The following FER variants were observed in gnomAD, a reference collection of about 807,000 sequenced individuals.
FER encodes the protein FER tyrosine kinase.
FER carries 63 observed loss-of-function variants against 111.0 expected under a neutral mutation model. That is an observed-to-expected ratio of 0.57 (90% CI 0.46 to 0.70). The LOEUF (loss-of-function observed/expected upper bound fraction) is 0.70, where lower values mean the gene tolerates loss of function less well. Ranked by LOEUF, FER falls within the 30% of genes least tolerant of loss-of-function variation. The pLI, the probability that FER is intolerant of heterozygous loss-of-function variation, is 0.00. For synonymous variants in FER, 327 were observed against 313.9 expected, an observed-to-expected ratio of 1.04 and a Z score of -0.44; for missense variants, 914 against 954.0, an observed-to-expected ratio of 0.96 and a Z score of 0.55.
intron 17 of FER, among the ~76,000 whole-genome samples, chr5:109,164,248 C>A (rs954014606): frequency 3.3e-5 from 5 of 152,154 alleles, no homozygotes; most frequent in Non-Finnish European, 7.4e-5. Flanking sequence ...AATAATTAGA[C>A]CCCACGCTGG....
At chr5:108,838,199 G>A (rs1056113412) in intron 5 of FER, among the ~76,000 whole-genome samples, 1 of 152,094 alleles carries the variant, frequency 6.6e-6, no homozygotes, top group African/African-American at 2.4e-5. Flanking sequence ...AGGATGATGA[G>A]CTGTAATGGC....
chr5:109,186,354 T>G (rs919564571), intron 19 of FER, 32 bp downstream of exon 19: 1 of 1,613,996 alleles, frequency 6.2e-7, no homozygotes, highest in Middle Eastern at 1.7e-4. Context: ...TTAGTGTTCA[T>G]GTCCAGCCCC....
chr5:109,129,329 A>G (rs1752096545), intron 17 of FER, among the ~76,000 whole-genome samples: 1 of 152,032 alleles, frequency 6.6e-6, no homozygotes, highest in East Asian at 1.9e-4. Context: ...TCACAAACAT[A>G]CATCTTAATT....
chr5:109,004,826 G>A (rs2149789741), intron 13 of FER, among the ~76,000 whole-genome samples: 1 of 151,998 alleles, frequency 6.6e-6, no homozygotes, highest in East Asian at 1.9e-4. Flanking sequence ...TAGGTTGTTT[G>A]TTTCATTTGA....
At position 109,190,896 on chromosome 5, in the gene FER, G is replaced by A. The variant is rs995820121; in HGVS notation, c.*3321G>A. On this transcript the variant is annotated 3_prime_UTR_variant, in exon 20 of 20. Transcript: ENST00000281092. ...TATTTTCAGTGCACATTTCACAGTT[G>A]TTTTTCATTTTAGGATTATTTTGAG... 4 of 152,076 alleles carry A rather than the reference G, an allele frequency of 2.6e-5. No homozygotes were observed. The highest frequency in any genetic ancestry group is 9.7e-5 in the African/African-American group (4 of 41,430). 9.4% of individuals were successfully genotyped at this position (152,076 alleles called of 1,614,324 possible).
chr5:108,891,267 TTATATATTCTAGAGCTTTATA>T (rs1748002382), intron 9 of FER, among the ~76,000 whole-genome samples: 1 of 152,186 alleles, frequency 6.6e-6, no homozygotes, highest in Non-Finnish European at 1.5e-5. Context: ...TCTGCACTCT[TTATATATTCTAGAGCTTTATA>T]TATTCTAGTT....
At chr5:108,905,628 C>T (rs1750650910) in intron 10 of FER, among the ~76,000 whole-genome samples, 1 of 152,046 alleles carries the variant, frequency 6.6e-6, no homozygotes. Context: ...GAAGCTGTTA[C>T]AGGATTTGGT....
chr5:108,785,052 G>A (rs776855796), intron 2 of FER: 72 of 383,836 alleles, frequency 1.9e-4, no homozygotes, highest in Admixed American at 3.7e-4. Context: ...GTCACAGAGT[G>A]GGTGTCTTGT....
At chr5:109,163,599 AT>A (rs911885933) in intron 17 of FER, among the ~76,000 whole-genome samples, 1 of 151,932 alleles carries the variant, frequency 6.6e-6, no homozygotes, top group Non-Finnish European at 1.5e-5. Context: ...GTGCAGTGAT[AT>A]CTCATTGTGG....
At chr5:109,163,009 T>G (rs1285098636) in intron 17 of FER, among the ~76,000 whole-genome samples, 2 of 152,134 alleles carry the variant, frequency 1.3e-5, no homozygotes, top group African/African-American at 4.8e-5. Flanking sequence ...CAGTATCCTT[T>G]TCCTATCTCT....
intron 3 of FER, among the ~76,000 whole-genome samples, chr5:108,822,631 A>T (rs1409874583): frequency 6.6e-6 from 1 of 152,172 alleles, no homozygotes; most frequent in African/African-American, 2.4e-5. Context: ...CCCACATAGT[A>T]GCAGCCCTCA....
intron 13 of FER, among the ~76,000 whole-genome samples, chr5:109,016,500 C>G (rs1161551648): frequency 6.6e-6 from 1 of 152,026 alleles, no homozygotes; most frequent in Non-Finnish European, 1.5e-5. Flanking sequence ...TTCACTTTAA[C>G]CAAGGACAAC....
chr5:109,170,941 G>C (rs1210748832), intron 17 of FER, among the ~76,000 whole-genome samples: 3 of 152,134 alleles, frequency 2.0e-5, no homozygotes, highest in Non-Finnish European at 2.9e-5. Context: ...AGTTGAAAGG[G>C]TCATATGCTA....
chr5:109,101,050 T>C (rs985662764), intron 17 of FER, among the ~76,000 whole-genome samples: 1 of 152,002 alleles, frequency 6.6e-6, no homozygotes, highest in Non-Finnish European at 1.5e-5. Context: ...AAATAAATAC[T>C]AGTTATTTCA....
At chr5:109,001,067 C>T (rs1032785293) in intron 13 of FER, among the ~76,000 whole-genome samples, 2 of 152,164 alleles carry the variant, frequency 1.3e-5, no homozygotes, top group African/African-American at 2.4e-5. Flanking sequence ...CTGAATTCTA[C>T]CAGAGGTACA....
intron 5 of FER, among the ~76,000 whole-genome samples, chr5:108,844,788 G>A (rs925288052): frequency 3.3e-5 from 5 of 151,282 alleles, no homozygotes; most frequent in Admixed American, 2.0e-4. Context: ...GCCTTAATTT[G>A]TTCAGAATAG....
intron 16 of FER, among the ~76,000 whole-genome samples, chr5:109,063,853 A>G (rs192258349): frequency 1.1e-3 from 171 of 152,296 alleles, no homozygotes; most frequent in African/African-American, 4.0e-3. Flanking sequence ...GTAAGTTTCA[A>G]TTTGGGAGAA....
chr5:108,814,119 A>G (rs148669404), intron 3 of FER, among the ~76,000 whole-genome samples: 84 of 152,188 alleles, frequency 5.5e-4, no homozygotes, highest in African/African-American at 1.6e-3. Flanking sequence ...TTTCATTCTG[A>G]TCCAGAATTC....
intron 13 of FER, among the ~76,000 whole-genome samples, chr5:109,029,521 C>T (rs1380068571): frequency 6.7e-6 from 1 of 148,622 alleles, no homozygotes; most frequent in Non-Finnish European, 1.5e-5. Flanking sequence ...ATCCTCCTGC[C>T]TCGGCTTCCC....
Sources: gnomAD v4.1 joint callset for allele counts (sites outside exome capture counted in the v4.1 genomes callset) on GRCh38, gnomAD v4.1.1 for gene constraint, MANE v1.5 for transcripts, NCBI Gene and HGNC (gene_info 2026-07-23, HGNC 2026-07-21) for gene names.